Variants in ADAMTS17 observed in about 807,000 individuals in gnomAD.
ADAMTS17 encodes ADAM metallopeptidase with thrombospondin type 1 motif 17, also known as A disintegrin and metalloproteinase with thrombospondin motifs 17.
Under a neutral mutation model 141.5 loss-of-function variants are expected in ADAMTS17, and 113 were observed. The observed-to-expected ratio is 0.80, with a 90% CI of 0.69 to 0.93. The LOEUF (loss-of-function observed/expected upper bound fraction) is 0.93, where lower values mean the gene tolerates loss of function less well. Among genes scored for constraint, ADAMTS17 ranks in the 40% least tolerant of loss-of-function variants. ADAMTS17 has a pLI of 0.00. For synonymous variants in ADAMTS17, 768 were observed against 630.6 expected, an observed-to-expected ratio of 1.22 and a Z score of -3.27; for missense variants, 1,659 against 1,517.9, an observed-to-expected ratio of 1.09 and a Z score of -1.54.
In ADAMTS17 at chr15:100,090,515, T is replaced by A. The variant is rs184202067; in HGVS notation, c.2137+5841A>T. Among the ~76,000 whole-genome samples, 18 of 152,248 alleles carry A rather than the reference T, an allele frequency of 1.2e-4. 1 individual carries two copies. The East Asian group carries it at 3.1e-3, about 26-fold the overall frequency. On this transcript the variant is annotated intron_variant, in intron 15 of 21. Transcript: ENST00000268070. ...ATCCACATCTATTCTTAAGCTTAACTTTGCCACAGGATGCATCAGTGAAAA... is the reference window on the plus strand; with the variant it reads ...ATCCACATCTATTCTTAAGCTTAACATTGCCACAGGATGCATCAGTGAAAA...
intron 20 of ADAMTS17, chr15:99,978,685 C>T (rs2573659): frequency 6.6e-6 from 1 of 152,250 alleles, no homozygotes; most frequent in African/African-American, 2.4e-5. Flanking sequence ...AAGACAGGTG[C>T]TACAGCAACG....
chr15:100,208,248 C>G (rs193229537), intron 7 of ADAMTS17, among the ~76,000 whole-genome samples: 1 of 152,342 alleles, frequency 6.6e-6, no homozygotes, highest in African/African-American at 2.4e-5. Flanking sequence ...CGAGCGGCAA[C>G]AGGCATTCCG....
In ADAMTS17 at chr15:100,262,472, T is replaced by TA. The variant is rs758109125; in HGVS notation, c.790-38dup. 5.8e-6 allele frequency: 9 copies of TA among 1,539,826 alleles called. No homozygotes were observed. The East Asian group carries it at 1.4e-4, about 25-fold the overall frequency. On this transcript the variant is annotated intron_variant, in intron 4 of 21. Transcript: ENST00000268070. ...GAAAAAAGAAATAAAGATATAAAGA[T>TA]AAAAAATTTTAAAAATACAGTAGTA...
At chr15:100,297,228 G>A (rs1857757824) in intron 3 of ADAMTS17, among the ~76,000 whole-genome samples, 1 of 152,182 alleles carries the variant, frequency 6.6e-6, no homozygotes, top group African/African-American at 2.4e-5. Flanking sequence ...GGAGGCAAGA[G>A]CAAGAGAGAA....
chr15:100,116,420 C>T (rs1203071745), intron 13 of ADAMTS17, among the ~76,000 whole-genome samples: 3 of 152,196 alleles, frequency 2.0e-5, no homozygotes, highest in African/African-American at 7.2e-5. Flanking sequence ...GATTAAGAGC[C>T]AATTCAAAAT....
chr15:100,031,553 C>A (rs569055041), intron 18 of ADAMTS17, among the ~76,000 whole-genome samples: 1 of 152,318 alleles, frequency 6.6e-6, no homozygotes, highest in African/African-American at 2.4e-5. Flanking sequence ...GGGTCCTAAA[C>A]CAGCCTCTGA....
intron 3 of ADAMTS17, among the ~76,000 whole-genome samples, chr15:100,313,012 G>A (rs1053419690): frequency 6.6e-6 from 1 of 152,170 alleles, no homozygotes; most frequent in Non-Finnish European, 1.5e-5. Context: ...TTTCACGGAA[G>A]AAAGGGAGAA....
chr15:100,122,250 A>G (rs551619276), intron 12 of ADAMTS17, among the ~76,000 whole-genome samples: 15 of 152,220 alleles, frequency 9.9e-5, no homozygotes, highest in African/African-American at 3.4e-4. Flanking sequence ...TACTCCAACC[A>G]CCTGTTATAG....
In ADAMTS17 at chr15:100,341,140, G is replaced by A; in HGVS notation, c.349C>T (p.Arg117Cys). ...CACAGCTCGGCGGGGCGGCCGCGGC[G>A]CCGGGCCGCGCCCGCCTCCTCCACC... ...FEVEEAGAAR[R>C]RGRPAELCFY... Residue 117 changes from arginine to cysteine, a missense_variant, in exon 2 of 22, where the codon CGC (arginine) becomes TGC (cysteine). Coordinates refer to ENST00000268070, the MANE Select transcript of ADAMTS17 (RefSeq NM_139057.4). 1 of 1,435,610 alleles carries A rather than the reference G, an allele frequency of 7.0e-7. No homozygotes were observed. The highest frequency in any genetic ancestry group is 9.1e-7 in the Non-Finnish European group (1 of 1,102,214). 88.9% of individuals were successfully genotyped at this position (1,435,610 alleles called of 1,614,324 possible). A position where few individuals can be genotyped will look rare whatever the true frequency, so the allele number is the denominator to read the frequency against.
At chr15:100,100,620 G>C (rs1487209437) in intron 14 of ADAMTS17, among the ~76,000 whole-genome samples, 2 of 136,434 alleles carry the variant, frequency 1.5e-5, no homozygotes, top group Non-Finnish European at 3.2e-5. Context: ...GGTGAGCTTG[G>C]GTTTTTTGTG....
chr15:100,209,602 TA>T (rs11316509), intron 7 of ADAMTS17, among the ~76,000 whole-genome samples: 52,161 of 144,048 alleles, frequency 0.36, 9,203 homozygotes, highest in South Asian at 0.55. Context: ...TACATTTTAT[TA>T]AAAAAAAAAA....
chr15:99,990,539 G>A (rs1190208455), intron 20 of ADAMTS17, among the ~76,000 whole-genome samples: 2 of 151,992 alleles, frequency 1.3e-5, no homozygotes, highest in Non-Finnish European at 2.9e-5. Context: ...GGAAGGAGGT[G>A]TTTTAGGTCC....
chr15:99,976,732 G>A, intron 20 of ADAMTS17: 1 of 202,856 alleles, frequency 4.9e-6, no homozygotes, highest in Non-Finnish European at 1.0e-5. Context: ...AATCGGGGAG[G>A]GTCTTCACCA....
At chr15:100,152,498 G>C in intron 10 of ADAMTS17, 114 bp downstream of exon 10, 2 of 1,380,250 alleles carry the variant, frequency 1.4e-6, no homozygotes, top group Non-Finnish European at 2.0e-6. Flanking sequence ...GTGCTTGTGT[G>C]TGTATGTGCC....
chr15:100,065,601 T>A (rs75929831), intron 15 of ADAMTS17, among the ~76,000 whole-genome samples: 1 of 152,222 alleles, frequency 6.6e-6, no homozygotes, highest in Non-Finnish European at 1.5e-5. Flanking sequence ...GGCATACTCG[T>A]GTAATTCATG....
Position 100,251,229 on chromosome 15 carries a change from C to A in ADAMTS17, c.1075+2907G>T, listed in dbSNP as rs76231098. 7.2e-5 allele frequency among the ~76,000 whole-genome samples: 11 copies of A among 152,284 alleles called. No individual in the cohort carries two copies. The East Asian group carries it at 1.9e-3, about 27-fold the overall frequency. ...GTGAAGAACAGTGACTCCACCCAGT[C>A]CCGACCATTAAAAGACTTTCTTGTT... is the stretch of plus-strand genomic sequence containing the variant. On this transcript the variant is annotated intron_variant, in intron 7 of 21. Coordinates refer to ENST00000268070, the MANE Select transcript of ADAMTS17 (RefSeq NM_139057.4).
At chr15:100,281,511 G>C (rs2044283090) in intron 3 of ADAMTS17, 110 bp from the exon 4 acceptor site, 2 of 1,364,120 alleles carry the variant, frequency 1.5e-6, no homozygotes. Context: ...AGTCTCGACA[G>C]GCCTAGAGGG....
At chr15:100,152,796 T>C (rs1390635973) in intron 9 of ADAMTS17, 34 bp from the exon 10 acceptor site, 2 of 1,613,316 alleles carry the variant, frequency 1.2e-6, no homozygotes, top group Admixed American at 1.7e-5. Flanking sequence ...GACTTGCAAA[T>C]GTACTGCCTA....
chr15:100,212,071 T>G (rs2041825952), intron 7 of ADAMTS17, among the ~76,000 whole-genome samples: 2 of 152,176 alleles, frequency 1.3e-5, no homozygotes, highest in African/African-American at 4.8e-5. Flanking sequence ...TAGCCTCTTA[T>G]GTGTATGCAC....
Sources: allele counts gnomAD v4.1 joint callset (sites outside exome capture counted in the v4.1 genomes callset), GRCh38; gene constraint gnomAD v4.1.1; transcripts MANE v1.5; gene names NCBI Gene and HGNC (gene_info 2026-07-23, HGNC 2026-07-21).